UNC13B: variants seen among roughly 807,000 people sequenced by gnomAD.
UNC13B encodes the protein unc-13 homolog B.
UNC13B carries 144 observed loss-of-function variants against 211.0 expected under a neutral mutation model. The observed-to-expected ratio is 0.68, with a 90% CI of 0.60 to 0.78. The LOEUF is 0.78. UNC13B is among the 30% of genes least tolerant of loss of function. UNC13B has a pLI of 0.00. For synonymous variants in UNC13B, 709 were observed against 725.8 expected (o/e 0.98, Z 0.37); for missense variants, 1,777 against 2,002.0 (o/e 0.89, Z 2.14).
intron 1 of UNC13B, among the ~76,000 whole-genome samples, chr9:35,215,350 C>T (rs142941415): frequency 3.9e-5 from 6 of 152,278 alleles, no homozygotes; most frequent in African/African-American, 1.4e-4. Context: ...CGGCAGTCAG[C>T]CATGATCTCA....
chr9:35,397,459 A>G (rs1835959890), intron 29 of UNC13B, 149 bp downstream of exon 29: 1 of 1,392,810 alleles, frequency 7.2e-7, no homozygotes, highest in Non-Finnish European at 9.8e-7. Context: ...GGGCAGACAG[A>G]TGGTTCTGTC....
chr9:35,216,268 G>A (rs900254379), intron 1 of UNC13B, among the ~76,000 whole-genome samples: 1 of 152,154 alleles, frequency 6.6e-6, no homozygotes, highest in Non-Finnish European at 1.5e-5. Flanking sequence ...GGACCAGGAT[G>A]GATTGTTCTG....
In UNC13B at chr9:35,383,875, G is replaced by A. The variant is rs78303308; in HGVS notation, c.10807-371G>A. Among the ~76,000 whole-genome samples the A allele has an allele frequency of 7.2e-3, 1,099 of 152,146 alleles. 8 individuals are homozygous for A. The highest frequency in any genetic ancestry group is 0.025 in the African/African-American group (1,041 of 41,506). ...GTCAGGAGACCTCAGACTCAAGAGA[G>A]AATGTGTTTGGAGTTTCTTCTTATC... On this transcript the variant is annotated intron_variant, in intron 21 of 39. Transcript: ENST00000635942.
chr9:35,399,231 G>T lies in UNC13B; in HGVS notation c.12145G>T (p.Val4049Leu), dbSNP rs1468270529. 1 of 1,614,130 alleles carries T rather than the reference G, an allele frequency of 6.2e-7. No individual in the cohort carries two copies. Among genetic ancestry groups the T allele is most frequent in the Non-Finnish European group, 8.5e-7 (1 of 1,180,020 alleles). The change falls in exon 34 of 40, where the codon GTG becomes TTG. Residue 4049 changes from valine to leucine, a missense_variant. Val to Leu is a conservative substitution (Grantham distance 32). Transcript: ENST00000635942. ...TGTACTGAAGGAGCTCTGGCGCGTG[G>T]TGATGAACACAATGGAGAGGATGAT... ...KRVLKELWRV[V>L]MNTMERMIVL... is the part of the protein sequence containing the mutation.
intron 24 of UNC13B, 113 bp from the exon 25 acceptor site, chr9:35,389,733 G>C (rs1835409022): frequency 3.4e-6 from 4 of 1,172,356 alleles, no homozygotes; most frequent in Admixed American, 2.0e-5. Flanking sequence ...AAAGGTCCTT[G>C]ATTCTAGAGG....
intron 4 of UNC13B, 119 bp downstream of exon 4, chr9:35,236,705 T>G (rs1825533989): frequency 3.3e-6 from 3 of 913,012 alleles, no homozygotes; most frequent in Admixed American, 2.0e-5. Flanking sequence ...CCCTTTCTAA[T>G]TAGAGGGCAT....
At position 35,385,413 on chromosome 9, in the gene UNC13B, C is replaced by T. The variant is rs7047014; in HGVS notation, c.10876-311C>T. 6.1e-3 allele frequency: 6,035 copies of T among 985,350 alleles called. 265 individuals are homozygous for T. The African/African-American group carries it at 0.091, about 15-fold the overall frequency. The allele number at this position is 985,350 out of a possible 1,614,324, so 61.0% of individuals were successfully genotyped here. A position where few individuals can be genotyped will look rare whatever the true frequency, so the allele number is the denominator to read the frequency against. On this transcript the variant is annotated intron_variant, in intron 22 of 39. Coordinates refer to ENST00000635942, the MANE Select transcript of UNC13B (RefSeq NM_001371189.2). ...TAAGAATCTTCATCCAAGAAAAAAG[C>T]ATGTGTGTAAGTTTGTGTGTGCCTG...
chr9:35,387,184 T>G (rs906913405), intron 24 of UNC13B, among the ~76,000 whole-genome samples: 2 of 152,168 alleles, frequency 1.3e-5, no homozygotes, highest in African/African-American at 4.8e-5. Flanking sequence ...GAAGAGTCTT[T>G]TCGCACTCTT....
At chr9:35,210,626 C>T (rs371336625) in intron 1 of UNC13B, among the ~76,000 whole-genome samples, 4 of 151,950 alleles carry the variant, frequency 2.6e-5, no homozygotes, top group South Asian at 4.1e-4. Context: ...TGGGTTCAAG[C>T]GAGTCTCATT....
rs1828684419 is a variant in UNC13B at position 35,284,531 on chromosome 9, ATAATG to A, written c.527-11164_527-11160del. Among the ~76,000 whole-genome samples, 3 of 152,172 alleles carry A rather than the reference ATAATG, an allele frequency of 2.0e-5. No homozygotes were observed. In the South Asian group the frequency reaches 6.2e-4, roughly 31 times the overall value. On this transcript the variant is annotated intron_variant, in intron 7 of 39. Transcript: ENST00000635942. ...GGTTATGGTGAATTATTCTTTTACT[ATAATG>A]CTAGGCTTGATTTGCTTGTATTTCA...
rs1381538300 is a variant in UNC13B, at chr9:35,256,436, T to C, written c.469-2557T>C. ...TGTCTTCTGACTGTAAGGGGACTGC[T>C]TTATAAGTTTTAAAGTATGCTGTTT... On this transcript the variant is annotated intron_variant, in intron 6 of 39. Coordinates refer to ENST00000635942, the MANE Select transcript of UNC13B (RefSeq NM_001371189.2). Among the ~76,000 whole-genome samples, 7 of 152,348 alleles carry C rather than the reference T, an allele frequency of 4.6e-5. No homozygotes were observed. In the East Asian group the frequency reaches 7.7e-4, roughly 17 times the overall value.
intron 10 of UNC13B, among the ~76,000 whole-genome samples, chr9:35,313,488 G>T (rs1325956439): frequency 1.3e-5 from 2 of 152,016 alleles, no homozygotes; most frequent in Non-Finnish European, 2.9e-5. Flanking sequence ...AGCTGGGTGT[G>T]GTGGCACGCA....
rs1303390057 is a variant in UNC13B at position 35,385,567 on chromosome 9, GAGA to G, written c.10876-154_10876-152del. On this transcript the variant is annotated intron_variant, in intron 22 of 39. Transcript: ENST00000635942. ...AGCCTGTTTGCATCAATAGAAAAAA[GAGA>G]AGGAGACCTGTAACTTTACAGTGTT... 8.1e-6 allele frequency: 8 copies of G among 985,458 alleles called. No individual in the cohort carries two copies. The Admixed American group carries it at 2.5e-4, about 30-fold the overall frequency. The allele number at this position is 985,458 out of a possible 1,614,324, so 61.0% of individuals were successfully genotyped here.
At position 35,300,683 on chromosome 9, in the gene UNC13B, T is replaced by C; in HGVS notation, c.1279T>C (p.Cys427Arg). The change falls in exon 9 of 40, where the codon TGT becomes CGT. Residue 427 changes from cysteine to arginine, a missense_variant. Cys to Arg is a radical substitution (Grantham distance 180). Coordinates refer to ENST00000635942, the MANE Select transcript of UNC13B (RefSeq NM_001371189.2). ...NSALPLQRMN[C>R]DAKTLGDLSE... ...AGCATTGCCATTACAAAGGATGAAT[T>C]GTGATGCAAAAACACTTGGAGATCT... 2.5e-6 allele frequency: 1 copy of C among 398,984 alleles called. No homozygotes were observed. Among genetic ancestry groups the C allele is most frequent in the Non-Finnish European group, 4.4e-6 (1 of 226,022 alleles). 24.7% of individuals were successfully genotyped at this position (398,984 alleles called of 1,614,324 possible). A position where few individuals can be genotyped will look rare whatever the true frequency, so the allele number is the denominator to read the frequency against.
intron 16 of UNC13B, 40 bp downstream of exon 16, chr9:35,377,735 C>T (rs2132232150): frequency 6.3e-7 from 1 of 1,591,916 alleles, no homozygotes; most frequent in African/African-American, 1.3e-5. Context: ...AAGGCCTGGG[C>T]TATGGGGAGG....
chr9:35,375,274 A>G (rs1834325836), intron 14 of UNC13B, 73 bp downstream of exon 14: 1 of 1,500,378 alleles, frequency 6.7e-7, no homozygotes, highest in Admixed American at 1.7e-5. Context: ...CATGCTATTA[A>G]TAATTGGGAA....
At chr9:35,269,184 G>A (rs1827739131) in intron 7 of UNC13B, among the ~76,000 whole-genome samples, 1 of 152,150 alleles carries the variant, frequency 6.6e-6, no homozygotes, top group Non-Finnish European at 1.5e-5. Context: ...TGACCAACTG[G>A]CTATAAACTG....
chr9:35,377,727 G>A (rs1173148189), intron 16 of UNC13B, 32 bp downstream of exon 16: 1 of 1,603,620 alleles, frequency 6.2e-7, no homozygotes, highest in African/African-American at 1.3e-5. Flanking sequence ...GGGACAGGAA[G>A]GCCTGGGCTA....
intron 1 of UNC13B, among the ~76,000 whole-genome samples, chr9:35,169,969 G>T (rs1659025595): frequency 6.6e-6 from 1 of 152,064 alleles, no homozygotes; most frequent in Admixed American, 6.6e-5. Flanking sequence ...AATCTGTATT[G>T]TAGATAAGAG....
Sources: allele counts gnomAD v4.1 joint callset (sites outside exome capture counted in the v4.1 genomes callset), GRCh38; gene constraint gnomAD v4.1.1; transcripts MANE v1.5; gene names NCBI Gene and HGNC (gene_info 2026-07-23, HGNC 2026-07-21).